Variants in ZCCHC17 observed in about 807,000 individuals in gnomAD.
ZCCHC17 encodes zinc finger CCHC domain-containing protein 17.
In ZCCHC17, 18 loss-of-function variants were observed where a neutral mutation model predicts 30.6. The ratio of observed to expected loss-of-function variants is 0.59; its 90% CI spans 0.41 to 0.87. The LOEUF is 0.87. ZCCHC17 is among the 40% of genes least tolerant of loss of function. The probability of loss-of-function intolerance (pLI) is 0.00; values close to 1 mark genes in which losing one functional copy is unlikely to be tolerated. For synonymous variants in ZCCHC17, 88 were observed against 92.4 expected (o/e 0.95, Z 0.27); for missense variants, 263 against 284.2 (o/e 0.93, Z 0.54).
chr1:31,313,385 T>TAGA, intron 2 of ZCCHC17, among the ~76,000 whole-genome samples: 1 of 152,330 alleles, frequency 6.6e-6, no homozygotes, highest in Middle Eastern at 3.4e-3. Flanking sequence ...GCCTATAGTA[T>TAGA]TTTAATGGTA....
chr1:31,359,393 C>T (rs933320365), intron 7 of ZCCHC17, among the ~76,000 whole-genome samples: 3 of 152,048 alleles, frequency 2.0e-5, no homozygotes, highest in East Asian at 2.0e-4. Flanking sequence ...TGGTGGCATG[C>T]GCCTGTAGTC....
intron 7 of ZCCHC17, among the ~76,000 whole-genome samples, chr1:31,349,486 A>G (rs1470938847): frequency 6.7e-6 from 1 of 148,760 alleles, no homozygotes; most frequent in African/African-American, 2.5e-5. Context: ...ATGCGCCACC[A>G]TGCCCGGCTA....
In ZCCHC17 at chr1:31,340,315, G is replaced by GTTT. The variant is rs71028757; in HGVS notation, c.317+1285_317+1287dup. Among the ~76,000 whole-genome samples the GTTT allele has an allele frequency of 5.0e-3, 471 of 95,106 alleles. 22 individuals are homozygous for GTTT. The highest frequency in any genetic ancestry group is 5.5e-3 in the African/African-American group (145 of 26,424). 62.4% of individuals were successfully genotyped at this position (95,106 alleles called of 152,430 possible). A position where few individuals can be genotyped will look rare whatever the true frequency, so the allele number is the denominator to read the frequency against. On this transcript the variant is annotated intron_variant, in intron 5 of 7. Coordinates refer to ENST00000344147, the MANE Select transcript of ZCCHC17 (RefSeq NM_016505.4). ...GTCTCTTAAAGGGGGATCTTGGAGGGTTTTTTTTTTTTTTTTTTTTGAGAC... is the reference window on the plus strand; with the variant it reads ...GTCTCTTAAAGGGGGATCTTGGAGGGTTTTTTTTTTTTTTTTTTTTTTTGAGAC...
chr1:31,314,073 C>A (rs527881594), intron 2 of ZCCHC17, among the ~76,000 whole-genome samples: 1 of 152,068 alleles, frequency 6.6e-6, no homozygotes, highest in Non-Finnish European at 1.5e-5. Flanking sequence ...CCATGTTGGC[C>A]AGGCTGACTT....
intron 5 of ZCCHC17, among the ~76,000 whole-genome samples, chr1:31,345,377 C>T (rs1476334002): frequency 6.6e-6 from 1 of 150,500 alleles, no homozygotes; most frequent in African/African-American, 2.5e-5. Context: ...AGGATGGTCT[C>T]GATCTCCTGA....
rs182072140 is a variant in ZCCHC17, at chr1:31,344,152, G to A, written c.318-2488G>A. Among the ~76,000 whole-genome samples, 455 of 151,852 alleles carry A rather than the reference G, an allele frequency of 3.0e-3. 1 individual carries two copies. Among genetic ancestry groups the A allele is most frequent in the Non-Finnish European group, 6.1e-3 (412 of 67,928 alleles). On this transcript the variant is annotated intron_variant, in intron 5 of 7. Coordinates refer to ENST00000344147, the MANE Select transcript of ZCCHC17 (RefSeq NM_016505.4). The stretch of plus-strand genomic sequence containing the variant: ...TTACAGATGTGAGCCACCATGCCTG[G>A]CCTAATTTTTAAATTTTTTGTAGAG...
chr1:31,355,880 G>A (rs1030266383), intron 7 of ZCCHC17, among the ~76,000 whole-genome samples: 3 of 152,108 alleles, frequency 2.0e-5, no homozygotes, highest in African/African-American at 4.8e-5. Context: ...CAGGAGGTTG[G>A]TTTTCCTTAA....
chr1:31,339,501 C>A (rs895222269), intron 5 of ZCCHC17, among the ~76,000 whole-genome samples: 1 of 151,960 alleles, frequency 6.6e-6, no homozygotes, highest in South Asian at 2.1e-4. Flanking sequence ...GAGTGAGACT[C>A]GGTCTCAAAA....
intron 3 of ZCCHC17, among the ~76,000 whole-genome samples, chr1:31,336,239 A>G (rs1443607616): frequency 6.6e-6 from 1 of 151,924 alleles, no homozygotes; most frequent in Non-Finnish European, 1.5e-5. Flanking sequence ...CGCCCAGGTA[A>G]TTTTTGTATT....
At chr1:31,318,138 G>C in intron 2 of ZCCHC17, 2 of 1,513,020 alleles carry the variant, frequency 1.3e-6, no homozygotes, top group Admixed American at 4.1e-5. Flanking sequence ...GTGCAGTCAG[G>C]ATTGTTTTAT....
At chr1:31,348,786 G>T in intron 6 of ZCCHC17, 43 bp from the exon 7 acceptor site, 1 of 1,610,798 alleles carries the variant, frequency 6.2e-7, no homozygotes, top group South Asian at 1.1e-5. Flanking sequence ...TGAGAAGAGA[G>T]ACTACTTCCT....
chr1:31,364,399 A>C lies in ZCCHC17; in HGVS notation c.*206A>C. 1.2e-6 allele frequency: 1 copy of C among 832,072 alleles called. No individual in the cohort carries two copies. The highest frequency in any genetic ancestry group is 1.8e-6 in the Non-Finnish European group (1 of 560,088). The allele number at this position is 832,072 out of a possible 1,614,324, so 51.5% of individuals were successfully genotyped here. ...CTGAATGAGTTGTTGTTTCCTTATC[A>C]CTCCTGGTCCCTTTGCAAGTGAACC... On this transcript the variant is annotated 3_prime_UTR_variant, in exon 8 of 8. Transcript: ENST00000344147.
At chr1:31,338,037 A>G (rs1374288315) in intron 4 of ZCCHC17, among the ~76,000 whole-genome samples, 1 of 151,668 alleles carries the variant, frequency 6.6e-6, no homozygotes, top group East Asian at 1.9e-4. Flanking sequence ...TGGTGCCATC[A>G]CGGCTCACTG....
chr1:31,311,340 C>T (rs1236646414), intron 2 of ZCCHC17, among the ~76,000 whole-genome samples: 1 of 152,186 alleles, frequency 6.6e-6, no homozygotes, highest in African/African-American at 2.4e-5. Flanking sequence ...TGGGTGCTCT[C>T]ACAATGTTGT....
chr1:31,358,722 G>T (rs1179554100), intron 7 of ZCCHC17, among the ~76,000 whole-genome samples: 1 of 151,730 alleles, frequency 6.6e-6, no homozygotes, highest in Non-Finnish European at 1.5e-5. Flanking sequence ...GAGGGGGCGG[G>T]GCATAGAAAT....
chr1:31,331,448 T>A (rs571905414), intron 3 of ZCCHC17, among the ~76,000 whole-genome samples: 1 of 151,334 alleles, frequency 6.6e-6, no homozygotes, highest in Non-Finnish European at 1.5e-5. Flanking sequence ...GCCCGTCCTG[T>A]ATCATAATAT....
intron 3 of ZCCHC17, among the ~76,000 whole-genome samples, chr1:31,326,323 A>G (rs1336776762): frequency 6.6e-6 from 1 of 152,162 alleles, no homozygotes; most frequent in Non-Finnish European, 1.5e-5. Context: ...ATCTTTGGAT[A>G]ATAAATCCAT....
intron 5 of ZCCHC17, among the ~76,000 whole-genome samples, chr1:31,339,852 T>G (rs1196277293): frequency 1.3e-5 from 2 of 152,248 alleles, no homozygotes; most frequent in East Asian, 3.9e-4. Flanking sequence ...AACATCTTAC[T>G]TTCGTTGGCT....
chr1:31,359,837 AC>A (rs1356729810), intron 7 of ZCCHC17, among the ~76,000 whole-genome samples: 3 of 152,088 alleles, frequency 2.0e-5, no homozygotes, highest in African/African-American at 7.2e-5. Flanking sequence ...TCCATCTGAT[AC>A]TTGAATCCAT....
Sources: allele counts gnomAD v4.1 joint callset (sites outside exome capture counted in the v4.1 genomes callset), GRCh38; gene constraint gnomAD v4.1.1; transcripts MANE v1.5; gene names NCBI Gene and HGNC (gene_info 2026-07-23, HGNC 2026-07-21).